The following DOCK8 variants were observed in gnomAD, a reference collection of about 807,000 sequenced individuals.
The protein encoded by DOCK8 is dedicator of cytokinesis 8, also known as dedicator of cytokinesis protein 8.
DOCK8 carries 141 observed loss-of-function variants against 245.6 expected under a neutral mutation model. The observed-to-expected ratio is 0.57, with a 90% CI of 0.50 to 0.66. The LOEUF (loss-of-function observed/expected upper bound fraction) is 0.66, where lower values mean the gene tolerates loss of function less well. DOCK8 is among the 30% of genes least tolerant of loss of function. DOCK8 has a pLI of 0.00. For synonymous variants in DOCK8, 1,168 were observed against 970.2 expected (o/e 1.20, Z -3.79); for missense variants, 2,965 against 2,603.4 (o/e 1.14, Z -3.02).
chr9:330,737 T>G (rs1294363493), intron 9 of DOCK8, among the ~76,000 whole-genome samples: 2 of 152,192 alleles, frequency 1.3e-5, no homozygotes, highest in African/African-American at 2.4e-5. Flanking sequence ...TAAGAAAAGT[T>G]TTAGGTTAAT....
At chr9:290,658 G>T (rs1449663681) in intron 4 of DOCK8, among the ~76,000 whole-genome samples, 2 of 152,198 alleles carry the variant, frequency 1.3e-5, no homozygotes, top group East Asian at 3.9e-4. Flanking sequence ...TTCTCAGCCT[G>T]CATGGGTGTA....
intron 1 of DOCK8, chr9:220,838 A>C (rs2046867472): frequency 3.0e-6 from 1 of 334,398 alleles, no homozygotes; most frequent in African/African-American, 2.3e-5. Flanking sequence ...CTCCTGCCTC[A>C]GCCTCCTGAG....
chr9:243,078 G>T (rs1326534289), intron 1 of DOCK8, among the ~76,000 whole-genome samples: 1 of 152,026 alleles, frequency 6.6e-6, no homozygotes, highest in Non-Finnish European at 1.5e-5. Flanking sequence ...TCAAACTAAA[G>T]ATTCTAAGCT....
At chr9:372,034 T>C (rs2053308757) in intron 17 of DOCK8, 151 bp from the exon 18 acceptor site, 11 of 719,460 alleles carry the variant, frequency 1.5e-5, no homozygotes, top group Non-Finnish European at 2.6e-5. Context: ...AGATTTAAAA[T>C]GCAAAGAACT....
intron 44 of DOCK8, among the ~76,000 whole-genome samples, chr9:447,338 C>G (rs1279239789): frequency 6.6e-6 from 1 of 152,156 alleles, no homozygotes; most frequent in Non-Finnish European, 1.5e-5. Flanking sequence ...GGGCCACAGA[C>G]TTCTCTGTGA....
intron 14 of DOCK8, among the ~76,000 whole-genome samples, chr9:366,809 C>G (rs2053023597): frequency 6.6e-6 from 1 of 152,154 alleles, no homozygotes; most frequent in Non-Finnish European, 1.5e-5. Flanking sequence ...AGCACTAGGG[C>G]TCTGTGGGAC....
chr9:261,490 G>A (rs2047916895), intron 1 of DOCK8, among the ~76,000 whole-genome samples: 2 of 152,108 alleles, frequency 1.3e-5, no homozygotes, highest in Non-Finnish European at 2.9e-5. Context: ...TATGATTTCT[G>A]GACCTTTGCA....
chr9:333,968 C>T (rs758184824), intron 10 of DOCK8, among the ~76,000 whole-genome samples: 1 of 152,154 alleles, frequency 6.6e-6, no homozygotes. Flanking sequence ...TTTTCGTTAG[C>T]TAAAAATGTA....
At chr9:446,182 A>T (rs1191315367) in intron 43 of DOCK8, among the ~76,000 whole-genome samples, 188 bp from the exon 44 acceptor site, 2 of 152,156 alleles carry the variant, frequency 1.3e-5, no homozygotes, top group Non-Finnish European at 2.9e-5. Flanking sequence ...CCCTCCTTGC[A>T]GCCCCTTCTG....
At chr9:283,509 C>T (rs1197664638) in intron 2 of DOCK8, among the ~76,000 whole-genome samples, 3 of 152,130 alleles carry the variant, frequency 2.0e-5, no homozygotes, top group Non-Finnish European at 4.4e-5. Context: ...CAAATAGCAT[C>T]CATTGTATTC....
intron 23 of DOCK8, among the ~76,000 whole-genome samples, chr9:388,814 A>C (rs2054065520): frequency 3.9e-5 from 6 of 152,112 alleles, no homozygotes; most frequent in Admixed American, 3.9e-4. Context: ...TCGGCCTCCC[A>C]AAGTGCTAGG....
At chr9:439,099 C>G (rs2057000335) in intron 39 of DOCK8, 146 bp from the exon 40 acceptor site, 7 of 1,015,810 alleles carry the variant, frequency 6.9e-6, no homozygotes, top group Admixed American at 5.4e-5. Context: ...GACAGATACT[C>G]TCGGGGTAGA....
intron 4 of DOCK8, among the ~76,000 whole-genome samples, chr9:302,284 C>G (rs756136030): frequency 2.0e-5 from 3 of 152,198 alleles, no homozygotes; most frequent in Non-Finnish European, 2.9e-5. Flanking sequence ...GCTGGAGCAA[C>G]TGGCTAGTCA....
At chr9:346,887 G>C (rs10491692) in intron 14 of DOCK8, among the ~76,000 whole-genome samples, 96,854 of 151,452 alleles carry the variant, frequency 0.64, 31,452 homozygotes, top group East Asian at 0.84. Context: ...AGAAATAACT[G>C]CAAACGAAGT....
chr9:454,996 A>G (rs2057589302), intron 46 of DOCK8, among the ~76,000 whole-genome samples: 1 of 152,218 alleles, frequency 6.6e-6, no homozygotes, highest in Non-Finnish European at 1.5e-5. Context: ...CATTCTCCCC[A>G]GATGGCCTAC....
intron 4 of DOCK8, among the ~76,000 whole-genome samples, chr9:290,963 T>G (rs1255996625): frequency 6.6e-6 from 1 of 152,206 alleles, no homozygotes; most frequent in East Asian, 1.9e-4. Context: ...TTAAAAGTTA[T>G]TAAGAGAAAG....
At position 434,763 on chromosome 9, in the gene DOCK8, C is replaced by G. The variant is rs373590493; in HGVS notation, c.4887-20C>G. On this transcript the variant is annotated intron_variant, in intron 38 of 47. Coordinates refer to ENST00000432829, the MANE Select transcript of DOCK8 (RefSeq NM_203447.4). ...TAACCCACTGTCCTCAAAACTACTT[C>G]TCACTCAATCTGTCTTCAGAATTGC... 4 of 1,613,270 alleles carry G rather than the reference C, an allele frequency of 2.5e-6. No individual in the cohort carries two copies. In the African/African-American group the frequency reaches 4.0e-5, roughly 16 times the overall value.
intron 27 of DOCK8, 62 bp from the exon 28 acceptor site, chr9:406,867 TG>T: frequency 6.2e-7 from 1 of 1,609,782 alleles, no homozygotes; most frequent in Non-Finnish European, 8.5e-7. Context: ...CAGTAAACAC[TG>T]GCCATCGCTA....
At chr9:400,926 C>A (rs985444473) in intron 26 of DOCK8, among the ~76,000 whole-genome samples, 383 of 61,812 alleles carry the variant, frequency 6.2e-3, no homozygotes, top group African/African-American at 0.028. Context: ...TTCACCATCA[C>A]CACAACATCC....
Sources: gnomAD v4.1 joint callset for allele counts (sites outside exome capture counted in the v4.1 genomes callset) on GRCh38, gnomAD v4.1.1 for gene constraint, MANE v1.5 for transcripts, NCBI Gene and HGNC (gene_info 2026-07-23, HGNC 2026-07-21) for gene names.